Variants in DPEP1 observed in about 807,000 individuals in gnomAD.
DPEP1 encodes dipeptidase 1.
Under a neutral mutation model 42.3 loss-of-function variants are expected in DPEP1, and 50 were observed. The observed-to-expected ratio is 1.18, with a 90% CI of 0.94 to 1.50. DPEP1 has a LOEUF of 1.50. Among genes scored for constraint, DPEP1 ranks in the 40% most tolerant of loss-of-function variants. The pLI is 0.00. For synonymous variants in DPEP1, 297 were observed against 234.0 expected (o/e 1.27, Z -2.46); for missense variants, 663 against 553.0 (o/e 1.20, Z -1.99).
At chr16:89,626,072 C>A (rs76317501) in intron 1 of DPEP1, among the ~76,000 whole-genome samples, 1 of 152,156 alleles carries the variant, frequency 6.6e-6, no homozygotes, top group East Asian at 1.9e-4. Flanking sequence ...TCTACCTGCC[C>A]CCCGTCCTCC....
rs1043897052 is a variant in DPEP1 at position 89,637,209 on chromosome 16, G to A, written c.597G>A (p.Val199=). 9.9e-6 allele frequency: 16 copies of A among 1,611,922 alleles called. No individual in the cohort carries two copies. Among genetic ancestry groups the A allele is most frequent in the Admixed American group, 1.7e-5 (1 of 59,932 alleles). The change falls in exon 7 of 11, where the codon GTG becomes GTA. Residue 199 remains valine (V), a synonymous_variant. Coordinates refer to ENST00000690203, the MANE Select transcript of DPEP1 (RefSeq NM_001389466.1). ...SQGLSPFGQR[V]VKELNRLGVL... ...ACGGAGCCCTGTCTTCCCAGCGTGT[G>A]GTGAAGGAGCTGAACCGTCTGGGGG...
intron 2 of DPEP1, among the ~76,000 whole-genome samples, chr16:89,634,304 A>C (rs373769406): frequency 6.2e-4 from 94 of 151,672 alleles, no homozygotes; most frequent in Non-Finnish European, 1.2e-3. Context: ...AGCCAGGATG[A>C]TCTCGATCTC....
chr16:89,638,264 C>T lies in DPEP1; in HGVS notation c.*42C>T, dbSNP rs932128973. 17 of 1,483,822 alleles carry T rather than the reference C, an allele frequency of 1.1e-5. No homozygotes were observed. Among genetic ancestry groups the T allele is most frequent in the South Asian group, 5.5e-5 (4 of 72,870 alleles). 91.9% of individuals were successfully genotyped at this position (1,483,822 alleles called of 1,614,324 possible). Reference sequence around the variant, plus strand: ...GTCCCCTTTAGGGTTCCCGGAGCTCCGGGAAGACCCGCCCATCCCAGGACT... The same window carrying T: ...GTCCCCTTTAGGGTTCCCGGAGCTCTGGGAAGACCCGCCCATCCCAGGACT... On this transcript the variant is annotated 3_prime_UTR_variant, in exon 11 of 11. Coordinates refer to ENST00000690203, the MANE Select transcript of DPEP1 (RefSeq NM_001389466.1).
chr16:89,616,241 A>C (rs1486841717), intron 1 of DPEP1, among the ~76,000 whole-genome samples: 1 of 152,160 alleles, frequency 6.6e-6, no homozygotes, highest in East Asian at 1.9e-4. Context: ...ACAAGCCCAC[A>C]CAGGTAGCCA....
At chr16:89,627,077 C>T (rs535505904) in intron 1 of DPEP1, among the ~76,000 whole-genome samples, 3 of 149,974 alleles carry the variant, frequency 2.0e-5, no homozygotes, top group East Asian at 2.0e-4. Flanking sequence ...CTGGCTAAAA[C>T]GGTGAAAACT....
chr16:89,618,465 G>A (rs564810403), intron 1 of DPEP1, among the ~76,000 whole-genome samples: 11 of 152,168 alleles, frequency 7.2e-5, no homozygotes, highest in African/African-American at 1.7e-4. Context: ...CGATCCTCCC[G>A]CCTTGGCCAC....
chr16:89,630,374 A>G lies in DPEP1; in HGVS notation c.-37A>G, dbSNP rs1308435392. ...CCAGCCAGGCCAGCACAGAGGCACC[A>G]GGGCAGCAGTGCACACAGGTCCCCG... On this transcript the variant is annotated 5_prime_UTR_variant, in exon 2 of 11. Transcript: ENST00000690203. 6.4e-7 allele frequency: 1 copy of G among 1,551,924 alleles called. No individual in the cohort carries two copies. Among genetic ancestry groups the G allele is most frequent in the Non-Finnish European group, 8.8e-7 (1 of 1,130,184 alleles).
intron 2 of DPEP1, among the ~76,000 whole-genome samples, chr16:89,632,553 T>A (rs777008975): frequency 1.7e-4 from 26 of 152,160 alleles, no homozygotes; most frequent in Non-Finnish European, 3.8e-4. Context: ...TGCCTGAGTG[T>A]GTGCTTGCCG....
chr16:89,639,771 C>T (rs991706578), downstream of DPEP1, among the ~76,000 whole-genome samples: 2 of 152,018 alleles, frequency 1.3e-5, no homozygotes, highest in Non-Finnish European at 2.9e-5. Flanking sequence ...CTGCAACCTC[C>T]GTCTCCCAGG....
chr16:89,629,073 C>T (rs980872521), intron 1 of DPEP1, among the ~76,000 whole-genome samples: 4 of 152,144 alleles, frequency 2.6e-5, no homozygotes, highest in Admixed American at 6.6e-5. Context: ...GTGATCCATC[C>T]GCTTCGGCCT....
chr16:89,615,967 G>C (rs181161408), intron 1 of DPEP1, among the ~76,000 whole-genome samples: 8 of 152,242 alleles, frequency 5.3e-5, no homozygotes, highest in Admixed American at 3.3e-4. Context: ...CCTACGTGTC[G>C]TGTCCCCAGG....
chr16:89,626,096 C>G (rs1372041122), intron 1 of DPEP1, among the ~76,000 whole-genome samples: 1 of 152,072 alleles, frequency 6.6e-6, no homozygotes, highest in African/African-American at 2.4e-5. Context: ...CACTGTGAGG[C>G]CCTGAGAGGC....
At chr16:89,631,247 A>C (rs2059584117) in intron 2 of DPEP1, among the ~76,000 whole-genome samples, 1 of 150,698 alleles carries the variant, frequency 6.6e-6, no homozygotes, top group Non-Finnish European at 1.5e-5. Flanking sequence ...CCCACCCCCG[A>C]CCTCGCTGGG....
chr16:89,635,795 CG>C, intron 2 of DPEP1, 112 bp from the exon 3 acceptor site: 1 of 1,387,598 alleles, frequency 7.2e-7, no homozygotes, highest in Admixed American at 2.8e-5. Flanking sequence ...TTCAGTCCTG[CG>C]TCTGTCGTGA....
chr16:89,616,937 C>T (rs891488917), intron 1 of DPEP1: 2 of 222,066 alleles, frequency 9.0e-6, no homozygotes, highest in Non-Finnish European at 1.9e-5. Flanking sequence ...CAGGTTTTAC[C>T]GAGCGGCGTG....
At chr16:89,616,342 C>G (rs1402326607) in intron 1 of DPEP1, among the ~76,000 whole-genome samples, 1 of 152,154 alleles carries the variant, frequency 6.6e-6, no homozygotes, top group African/African-American at 2.4e-5. Flanking sequence ...TGACCGGGCA[C>G]AGTTTCACAG....
In DPEP1 at chr16:89,638,044, G is replaced by T; in HGVS notation, c.1066-8G>T. ...CAGGCTGCCCCACCCGTGTCTGTCT[G>T]TCCCCAGGCCAGCAACCTCACACAG... On this transcript the variant is annotated splice_region_variant and splice_polypyrimidine_tract_variant and intron_variant, in intron 10 of 10. Transcript: ENST00000690203. The T allele has an allele frequency of 6.2e-7, 1 of 1,611,816 alleles. No individual in the cohort carries two copies. Among genetic ancestry groups the T allele is most frequent in the East Asian group, 2.2e-5 (1 of 44,830 alleles).
At position 89,636,386 on chromosome 16, in the gene DPEP1, C is replaced by T. The variant is rs752825936; in HGVS notation, c.360C>T (p.Thr120=). Residue 120 remains threonine (T), a synonymous_variant, in exon 4 of 11, where the codon ACC becomes ACT. Transcript: ENST00000690203. ...ACCCGGAGACCTTCCTGTATGTCACCAGCAGTGCAGGTGGGGTCCTGACCT... is the reference window on the plus strand; with the variant it reads ...ACCCGGAGACCTTCCTGTATGTCACTAGCAGTGCAGGTGGGGTCCTGACCT... ...RMYPETFLYV[T]SSAGIRQAFR... is the part of the protein sequence containing the mutation. 2 of 1,611,680 alleles carry T rather than the reference C, an allele frequency of 1.2e-6. No homozygotes were observed. The highest frequency in any genetic ancestry group is 1.7e-6 in the Non-Finnish European group (2 of 1,179,420).
intron 1 of DPEP1, among the ~76,000 whole-genome samples, chr16:89,622,409 C>T (rs1410773816): frequency 6.6e-6 from 1 of 152,216 alleles, no homozygotes; most frequent in Non-Finnish European, 1.5e-5. Context: ...CGGCTGCACC[C>T]TCTGGGTCAA....
Sources: gnomAD v4.1 joint callset for allele counts (sites outside exome capture counted in the v4.1 genomes callset) on GRCh38, gnomAD v4.1.1 for gene constraint, MANE v1.5 for transcripts, NCBI Gene and HGNC (gene_info 2026-07-23, HGNC 2026-07-21) for gene names.